Variants in FBXO34 observed in about 807,000 individuals in gnomAD.
The protein encoded by FBXO34 is F-box protein 34.
FBXO34 carries 12 observed loss-of-function variants against 24.5 expected under a neutral mutation model. The observed-to-expected ratio is 0.49, with a 90% confidence interval of 0.31 to 0.79. FBXO34 has a LOEUF of 0.79. Ranked by LOEUF, FBXO34 falls within the 30% of genes least tolerant of loss-of-function variation. FBXO34 has a pLI of 0.04. For synonymous variants in FBXO34, 320 were observed against 311.9 expected (o/e 1.03, Z -0.27); for missense variants, 823 against 857.7 (o/e 0.96, Z 0.51).
At chr14:55,356,787 C>G (rs536842026), downstream of FBXO34, among the ~76,000 whole-genome samples, 83 of 152,108 alleles carry the variant, frequency 5.5e-4, no homozygotes, top group African/African-American at 2.0e-3. Flanking sequence ...GGGGGTCTCT[C>G]GCTTAGGCTG....
rs201375717 is a variant in FBXO34, at chr14:55,342,255, A to T, written c.-10-8126A>T. Among the ~76,000 whole-genome samples the T allele has an allele frequency of 2.0e-5, 3 of 152,192 alleles. No homozygotes were observed. In the East Asian group the frequency reaches 5.8e-4, roughly 29 times the overall value. ...TTTAAATCCCATTGTGAATTCTAAG[A>T]TGGAAGCCGTGAGCAGTTTTTGAAA... is the stretch of plus-strand genomic sequence containing the variant. On this transcript the variant is annotated intron_variant, in intron 1 of 1. Coordinates refer to ENST00000313833, the MANE Select transcript of FBXO34 (RefSeq NM_017943.4).
At chr14:55,331,050 T>C (rs1883515597) in intron 1 of FBXO34, among the ~76,000 whole-genome samples, 1 of 152,212 alleles carries the variant, frequency 6.6e-6, no homozygotes, top group South Asian at 2.1e-4. Flanking sequence ...GGGATTTGAA[T>C]AGGAGAAATG....
intron 1 of FBXO34, chr14:55,335,386 T>G (rs1009367598): frequency 8.5e-5 from 13 of 152,208 alleles, no homozygotes; most frequent in Admixed American, 3.9e-4. Flanking sequence ...CTGTGTATGT[T>G]CAGTTATCTT....
chr14:55,438,042 G>GA, the FBXO34 span, among the ~76,000 whole-genome samples: 185 of 152,280 alleles, frequency 1.2e-3, no homozygotes, highest in Middle Eastern at 0.01. Flanking sequence ...TTTATTATGG[G>GA]AAAAAATCGA....
At chr14:55,284,501 A>G (rs551731315) in intron 1 of FBXO34, among the ~76,000 whole-genome samples, 104 of 143,170 alleles carry the variant, frequency 7.3e-4, no homozygotes, top group Non-Finnish European at 1.3e-3. Context: ...AACAAGAGTG[A>G]ACCTCTGTCT....
At chr14:55,302,442 G>A (rs1270381246) in intron 1 of FBXO34, among the ~76,000 whole-genome samples, 1 of 145,690 alleles carries the variant, frequency 6.9e-6, no homozygotes, top group African/African-American at 2.6e-5. Flanking sequence ...TGACTCTGTA[G>A]CCTCTTTTTT....
chr14:55,370,940 C>T (rs116300937), downstream of FBXO34, among the ~76,000 whole-genome samples: 1,282 of 152,246 alleles, frequency 8.4e-3, 21 homozygotes, highest in African/African-American at 0.03. Context: ...CACGCCCGGC[C>T]GCCTTTCTGC....
the FBXO34 span, among the ~76,000 whole-genome samples, chr14:55,427,769 A>G: frequency 6.6e-6 from 1 of 152,014 alleles, no homozygotes; most frequent in African/African-American, 2.4e-5. Flanking sequence ...CAGGAAGGCT[A>G]GAGATATTCC....
Position 55,321,287 on chromosome 14 carries a change from C to T in FBXO34, c.-10-29094C>T, listed in dbSNP as rs137899387. On this transcript the variant is annotated intron_variant, in intron 1 of 1. Coordinates refer to ENST00000313833, the MANE Select transcript of FBXO34 (RefSeq NM_017943.4). ...TGTCCACAAATGCCTTAAAATGGCACGTGCTTTACACATCCCACACCCCCC... is the reference window on the plus strand; with the variant it reads ...TGTCCACAAATGCCTTAAAATGGCATGTGCTTTACACATCCCACACCCCCC... Among the ~76,000 whole-genome samples the T allele has an allele frequency of 2.8e-4, 42 of 152,036 alleles. No individual in the cohort carries two copies. In the East Asian group the frequency reaches 6.7e-3, roughly 24 times the overall value.
intron 1 of FBXO34, chr14:55,271,947 C>A (rs980739237): frequency 2.0e-5 from 3 of 152,312 alleles, no homozygotes; most frequent in Admixed American, 6.5e-5. Flanking sequence ...CGCGCCCTCC[C>A]GGGCTCGGCC....
the FBXO34 span, among the ~76,000 whole-genome samples, chr14:55,386,491 T>C: frequency 6.6e-6 from 1 of 152,210 alleles, no homozygotes; most frequent in Non-Finnish European, 1.5e-5. Flanking sequence ...AGAAACTTCT[T>C]AGGTGTGCCT....
chr14:55,394,677 CCAT>C, the FBXO34 span, among the ~76,000 whole-genome samples: 1 of 152,092 alleles, frequency 6.6e-6, no homozygotes, highest in African/African-American at 2.4e-5. Context: ...ACAGGGAGAG[CCAT>C]CATCAAGGAG....
chr14:55,352,614 C>T lies in FBXO34; in HGVS notation c.*88C>T, dbSNP rs1333004987. 3 of 1,080,014 alleles carry T rather than the reference C, an allele frequency of 2.8e-6. No homozygotes were observed. The highest frequency in any genetic ancestry group is 3.2e-5 in the African/African-American group (2 of 62,794). The allele number at this position is 1,080,014 out of a possible 1,614,324, so 66.9% of individuals were successfully genotyped here. ...TTCAAATGAGCGTAGCCCCCTGAGT[C>T]ATCACTCTAGAAGAATCTGTACATC... is the stretch of plus-strand genomic sequence containing the variant. On this transcript the variant is annotated 3_prime_UTR_variant, in exon 2 of 2. Transcript: ENST00000313833.
downstream of FBXO34, among the ~76,000 whole-genome samples, chr14:55,354,784 G>C (rs1884495417): frequency 6.6e-6 from 1 of 152,188 alleles, no homozygotes. Context: ...TTAGGTGAAA[G>C]ATGCTGTTCT....
chr14:55,415,739 G>A, the FBXO34 span, among the ~76,000 whole-genome samples: 3 of 152,052 alleles, frequency 2.0e-5, no homozygotes, highest in East Asian at 3.9e-4. Flanking sequence ...GGCGGTGGGC[G>A]TCTGTCATCC....
chr14:55,338,944 ACCCCC>A (rs201048817), intron 1 of FBXO34, among the ~76,000 whole-genome samples: 2 of 150,842 alleles, frequency 1.3e-5, no homozygotes, highest in South Asian at 4.2e-4. Flanking sequence ...GCCAAAAAAA[ACCCCC>A]CAAAAAAACC....
At position 55,350,539 on chromosome 14, in the gene FBXO34, C is replaced by G; in HGVS notation, c.149C>G (p.Ser50Ter). The change falls in exon 2 of 2, where the codon TCA (serine) becomes TGA (stop). Residue 50 changes from serine (S) to a stop codon, truncating the protein, a stop_gained. Transcript: ENST00000313833. LOFTEE classifies it low-confidence loss of function (END_TRUNC). ...CACATAACATCAAGTGTCTTTCCTTCAGCCTCTCTCGGTAAAGCATCATCT... is the reference window on the plus strand; with the variant it reads ...CACATAACATCAAGTGTCTTTCCTTGAGCCTCTCTCGGTAAAGCATCATCT... ...ASHITSSVFP[S>*]ASLGKASSRK... 6.2e-7 allele frequency: 1 copy of G among 1,613,822 alleles called. No individual in the cohort carries two copies. The highest frequency in any genetic ancestry group is 8.5e-7 in the Non-Finnish European group (1 of 1,179,956).
At chr14:55,317,386 G>A (rs1024941358) in intron 1 of FBXO34, among the ~76,000 whole-genome samples, 3 of 152,236 alleles carry the variant, frequency 2.0e-5, no homozygotes, top group Admixed American at 1.3e-4. Flanking sequence ...AGGCTGAGGT[G>A]GGAGAAGCCC....
downstream of FBXO34, among the ~76,000 whole-genome samples, chr14:55,371,688 C>T (rs889481351): frequency 2.5e-4 from 38 of 152,228 alleles, no homozygotes; most frequent in African/African-American, 7.5e-4. Flanking sequence ...CCTGTAGTCC[C>T]GGCTACTCAG....
Sources: gnomAD v4.1 joint callset for allele counts (sites outside exome capture counted in the v4.1 genomes callset) on GRCh38, gnomAD v4.1.1 for gene constraint, MANE v1.5 for transcripts, NCBI Gene and HGNC (gene_info 2026-07-23, HGNC 2026-07-21) for gene names.